Variants in SPATA31F3 observed in about 807,000 individuals in gnomAD.
The protein encoded by SPATA31F3 is SPATA31 subfamily F member 3.
the SPATA31F3 span, chr9:34,894,968 C>A: frequency 2.5e-6 from 1 of 398,232 alleles, no homozygotes; most frequent in South Asian, 1.3e-4. Context: ...CAGCAGGGGT[C>A]ATAGAGGGTC....
At chr9:34,893,775 C>T in the SPATA31F3 span, among the ~76,000 whole-genome samples, 1 of 152,058 alleles carries the variant, frequency 6.6e-6, no homozygotes, top group East Asian at 1.9e-4. Flanking sequence ...AAAAGCTGAA[C>T]TAGGAGAACG....
the SPATA31F3 span, chr9:34,895,448 T>C: frequency 2.5e-6 from 1 of 397,286 alleles, no homozygotes; most frequent in South Asian, 1.4e-4. Context: ...ATCACCCAAA[T>C]TGGGAGCTCT....
At chr9:34,893,217 G>C in the SPATA31F3 span, 1 of 467,404 alleles carries the variant, frequency 2.1e-6, no homozygotes, top group Admixed American at 3.5e-5. Context: ...AAAAGTGTGG[G>C]CCGGGGTTGG....
chr9:34,894,197 G>A, the SPATA31F3 span, among the ~76,000 whole-genome samples: 1 of 152,122 alleles, frequency 6.6e-6, no homozygotes, highest in East Asian at 1.9e-4. Flanking sequence ...TTATACACTA[G>A]TACAAGCCTG....
At chr9:34,890,375 T>G in the SPATA31F3 span, among the ~76,000 whole-genome samples, 1 of 152,190 alleles carries the variant, frequency 6.6e-6, no homozygotes, top group African/African-American at 2.4e-5. Context: ...TGCAAAGACC[T>G]GGTCTAAGGG....
the SPATA31F3 span, among the ~76,000 whole-genome samples, chr9:34,891,563 A>G: frequency 1.3e-5 from 2 of 152,220 alleles, no homozygotes; most frequent in African/African-American, 4.8e-5. Context: ...ATTGGTCATC[A>G]GGTCACAGGA....
chr9:34,894,498 C>T, the SPATA31F3 span: 3 of 398,460 alleles, frequency 7.5e-6, no homozygotes, highest in African/African-American at 2.1e-5. Flanking sequence ...TGAAGTTCTC[C>T]TAGCTGAAGA....
the SPATA31F3 span, chr9:34,894,337 C>G: frequency 2.5e-6 from 1 of 397,224 alleles, no homozygotes. Context: ...GTGTATGTCT[C>G]CCTCCCATCC....
chr9:34,889,637 T>G, the SPATA31F3 span: 1 of 398,580 alleles, frequency 2.5e-6, no homozygotes, highest in Non-Finnish European at 4.4e-6. Flanking sequence ...CTGGAGCTTC[T>G]GGAAGGATGA....
the SPATA31F3 span, among the ~76,000 whole-genome samples, chr9:34,890,405 G>A: frequency 6.6e-6 from 1 of 152,186 alleles, no homozygotes. Flanking sequence ...CCTCCAGGCT[G>A]GGTTGTTCAC....
the SPATA31F3 span, among the ~76,000 whole-genome samples, chr9:34,893,498 G>A: frequency 1.3e-5 from 2 of 152,060 alleles, no homozygotes; most frequent in African/African-American, 4.8e-5. Context: ...CTACTTGGGA[G>A]GCAGAGGTAG....
At chr9:34,889,230 G>A in the SPATA31F3 span, 1 of 398,530 alleles carries the variant, frequency 2.5e-6, no homozygotes, top group Non-Finnish European at 4.4e-6. Flanking sequence ...CTTCTGCTGA[G>A]GTGAGTTAGA....
chr9:34,890,367 C>T, the SPATA31F3 span, among the ~76,000 whole-genome samples: 1 of 152,142 alleles, frequency 6.6e-6, no homozygotes, highest in East Asian at 1.9e-4. Flanking sequence ...CTCACTTTTG[C>T]AAAGACCTGG....
At chr9:34,891,015 A>T in the SPATA31F3 span, among the ~76,000 whole-genome samples, 1 of 152,108 alleles carries the variant, frequency 6.6e-6, no homozygotes, top group Admixed American at 6.6e-5. Flanking sequence ...TGGATTCGTG[A>T]GTGATTGCCT....
At chr9:34,893,133 CCTG>C in the SPATA31F3 span, 1 of 718,602 alleles carries the variant, frequency 1.4e-6, no homozygotes, top group Non-Finnish European at 2.1e-6. Flanking sequence ...ACACTTCCTT[CCTG>C]AGGAAGCCAG....
At chr9:34,893,228 C>G in the SPATA31F3 span, 1 of 453,462 alleles carries the variant, frequency 2.2e-6, no homozygotes, top group African/African-American at 2.0e-5. Flanking sequence ...CCGGGGTTGG[C>G]ATTGTCCTTT....
At chr9:34,894,295 T>C in the SPATA31F3 span, 1 of 394,806 alleles carries the variant, frequency 2.5e-6, no homozygotes. Context: ...CCTGCCCTGG[T>C]AACTCTCTCA....
At chr9:34,891,140 G>A in the SPATA31F3 span, among the ~76,000 whole-genome samples, 7 of 152,186 alleles carry the variant, frequency 4.6e-5, no homozygotes, top group African/African-American at 1.7e-4. Context: ...GGCAGCTCAG[G>A]ATCATCAGTA....
At chr9:34,893,356 T>C in the SPATA31F3 span, among the ~76,000 whole-genome samples, 1 of 152,120 alleles carries the variant, frequency 6.6e-6, no homozygotes, top group Non-Finnish European at 1.5e-5. Flanking sequence ...ATCCTAGCAC[T>C]TTGGGAGGCT....
Sources: allele counts gnomAD v4.1 joint callset (sites outside exome capture counted in the v4.1 genomes callset), GRCh38; gene constraint gnomAD v4.1.1; transcripts MANE v1.5; gene names NCBI Gene and HGNC (gene_info 2026-07-23, HGNC 2026-07-21).